The following TNR variants were observed in gnomAD, a reference collection of about 807,000 sequenced individuals.
TNR encodes the protein tenascin R.
In TNR, 45 loss-of-function variants were observed where a neutral mutation model predicts 150.4. That is an observed-to-expected ratio of 0.30 (90% CI 0.24 to 0.38). The LOEUF (loss-of-function observed/expected upper bound fraction) is 0.38, where lower values mean the gene tolerates loss of function less well. TNR is among the 10% of genes least tolerant of loss of function. The pLI is 1.00. For missense variants in TNR, 1,544 were observed against 1,759.1 expected, an observed-to-expected ratio of 0.88 and a Z score of 2.19; for synonymous variants, 687 against 678.4, an observed-to-expected ratio of 1.01 and a Z score of -0.20.
chr1:175,364,920 T>C (rs1651761311), intron 12 of TNR, 90 bp downstream of exon 12: 16 of 1,468,018 alleles, frequency 1.1e-5, no homozygotes, highest in Non-Finnish European at 1.5e-5. Flanking sequence ...CCCTACTCCT[T>C]GGGTCTTTCT....
At chr1:175,713,359 C>T (rs192795673) in intron 1 of TNR, among the ~76,000 whole-genome samples, 3 of 152,092 alleles carry the variant, frequency 2.0e-5, no homozygotes, top group Admixed American at 1.3e-4. Context: ...CCTTTTTTTC[C>T]CCATTTATCG....
intron 18 of TNR, 128 bp from the exon 19 acceptor site, chr1:175,337,807 G>T (rs891163592): frequency 9.1e-7 from 1 of 1,101,938 alleles, no homozygotes; most frequent in African/African-American, 1.6e-5. Context: ...ATCCTCAACG[G>T]AGCTCAAGGT....
intron 1 of TNR, among the ~76,000 whole-genome samples, chr1:175,592,125 G>A (rs761004050): frequency 4.6e-5 from 7 of 152,152 alleles, no homozygotes; most frequent in Non-Finnish European, 8.8e-5. Context: ...TGAAGACTCA[G>A]TTTCTTCACT....
At chr1:175,555,492 T>C (rs1298473702) in intron 1 of TNR, among the ~76,000 whole-genome samples, 1 of 145,250 alleles carries the variant, frequency 6.9e-6, no homozygotes, top group African/African-American at 2.6e-5. Context: ...AGCACATTAG[T>C]GCTGACTCAC....
rs1007943864 is a variant in TNR at position 175,476,897 on chromosome 1, G to A, written c.-64+51372C>T. ...TTTAGAGACCCGTAACAGCACTAGG[G>A]AGCATCTATTATCTAGGCCTATGAA... On this transcript the variant is annotated intron_variant, in intron 2 of 22. Coordinates refer to ENST00000367674, the MANE Select transcript of TNR (RefSeq NM_003285.3). Among the ~76,000 whole-genome samples, 7 of 152,234 alleles carry A rather than the reference G, an allele frequency of 4.6e-5. 1 individual carries two copies. The Middle Eastern group carries it at 0.01, about 222-fold the overall frequency.
At chr1:175,574,882 C>A (rs1247028819) in intron 1 of TNR, among the ~76,000 whole-genome samples, 1 of 152,350 alleles carries the variant, frequency 6.6e-6, no homozygotes, top group South Asian at 2.1e-4. Flanking sequence ...AAAAAGTTGA[C>A]TATCAGCCTA....
At chr1:175,598,297 C>T (rs946034308) in intron 1 of TNR, among the ~76,000 whole-genome samples, 3 of 152,136 alleles carry the variant, frequency 2.0e-5, no homozygotes, top group East Asian at 1.9e-4. Context: ...TTAAGTTTAA[C>T]GATTATTTTT....
intron 1 of TNR, among the ~76,000 whole-genome samples, chr1:175,669,806 G>A (rs957207313): frequency 2.6e-5 from 4 of 152,168 alleles, no homozygotes; most frequent in African/African-American, 9.7e-5. Flanking sequence ...ACCAATCTGA[G>A]TCATTGGTTT....
At chr1:175,548,138 T>G (rs1440318596) in intron 1 of TNR, among the ~76,000 whole-genome samples, 2 of 152,146 alleles carry the variant, frequency 1.3e-5, no homozygotes, top group African/African-American at 4.8e-5. Flanking sequence ...CTGGCACAAC[T>G]GAGGCGGCTC....
intron 1 of TNR, among the ~76,000 whole-genome samples, chr1:175,642,634 G>A (rs1664699581): frequency 6.6e-6 from 1 of 152,134 alleles, no homozygotes; most frequent in African/African-American, 2.4e-5. Flanking sequence ...ATGTCTGTCA[G>A]AAAGGATGGG....
At position 175,331,178 on chromosome 1, in the gene TNR, C is replaced by T. The variant is rs1454120780; in HGVS notation, c.3632-943G>A. 5.7e-3 allele frequency among the ~76,000 whole-genome samples: 291 copies of T among 51,026 alleles called. 3 individuals carry two copies. Among genetic ancestry groups the T allele is most frequent in the African/African-American group, 0.016 (276 of 17,320 alleles). The allele number at this position is 51,026 out of a possible 152,430, so 33.5% of individuals were successfully genotyped here. The stretch of plus-strand genomic sequence containing the variant: ...TTCTTTTTCTTTCCTTCCTTCCTTC[C>T]TTCCTTCCTTCCTTCCTTCCTTCCT... On this transcript the variant is annotated intron_variant, in intron 20 of 22. Coordinates refer to ENST00000367674, the MANE Select transcript of TNR (RefSeq NM_003285.3).
At position 175,651,349 on chromosome 1, in the gene TNR, T is replaced by C. The variant is rs1664990104; in HGVS notation, c.-165+91877A>G. Among the ~76,000 whole-genome samples the C allele has an allele frequency of 2.6e-5, 4 of 151,938 alleles. No homozygotes were observed. In the South Asian group the frequency reaches 8.3e-4, roughly 32 times the overall value. ...AGCATGTTTTCTTTGAGGGGAAAGG[T>C]TACCTTGAGGGGAGGGAAGGGATGA... On this transcript the variant is annotated intron_variant, in intron 1 of 22. Transcript: ENST00000367674.
chr1:175,389,960 A>G (rs1013687742), intron 7 of TNR, among the ~76,000 whole-genome samples: 1 of 152,214 alleles, frequency 6.6e-6, no homozygotes, highest in African/African-American at 2.4e-5. Context: ...TTTTTAAAGG[A>G]CAAAAATCTT....
chr1:175,722,030 A>G (rs1323138184), intron 1 of TNR, among the ~76,000 whole-genome samples: 2 of 151,996 alleles, frequency 1.3e-5, no homozygotes, highest in Non-Finnish European at 2.9e-5. Context: ...CCATCCCAGG[A>G]TTGCAAGACC....
chr1:175,472,801 A>G (rs1657359725), intron 2 of TNR, among the ~76,000 whole-genome samples: 1 of 152,150 alleles, frequency 6.6e-6, no homozygotes, highest in Non-Finnish European at 1.5e-5. Flanking sequence ...TTGATTCTCT[A>G]ATCTGTAACA....
chr1:175,353,856 T>TTA (rs1553207251), intron 18 of TNR, among the ~76,000 whole-genome samples: 13 of 151,828 alleles, frequency 8.6e-5, no homozygotes, highest in African/African-American at 3.1e-4. Context: ...TATTTATTTT[T>TTA]TTTTTTTGAG....
chr1:175,380,664 T>C (rs1213161706), intron 8 of TNR, among the ~76,000 whole-genome samples: 4 of 152,142 alleles, frequency 2.6e-5, no homozygotes, highest in Admixed American at 6.5e-5. Flanking sequence ...ACAATGCTTG[T>C]TCTCTGCAGT....
At chr1:175,517,455 A>G (rs1436175445) in intron 2 of TNR, among the ~76,000 whole-genome samples, 1 of 151,900 alleles carries the variant, frequency 6.6e-6, no homozygotes. Context: ...GGTTTGTCCT[A>G]CTCCCAGGAA....
At chr1:175,400,249 T>A (rs1189301398) in intron 4 of TNR, among the ~76,000 whole-genome samples, 1 of 152,218 alleles carries the variant, frequency 6.6e-6, no homozygotes, top group Non-Finnish European at 1.5e-5. Flanking sequence ...TTAAAATTTT[T>A]ATTTTTCAAT....
Sources: gnomAD v4.1 joint callset for allele counts (sites outside exome capture counted in the v4.1 genomes callset) on GRCh38, gnomAD v4.1.1 for gene constraint, MANE v1.5 for transcripts, NCBI Gene and HGNC (gene_info 2026-07-23, HGNC 2026-07-21) for gene names.